MLLT3: variants seen among roughly 807,000 people sequenced by gnomAD.
The protein encoded by MLLT3 is protein AF-9.
Under a neutral mutation model 53.2 loss-of-function variants are expected in MLLT3, and 4 were observed. The ratio of observed to expected loss-of-function variants is 0.08; its 90% CI spans 0.04 to 0.17. The LOEUF is 0.17. Among genes scored for constraint, MLLT3 ranks in the 10% least tolerant of loss-of-function variants. MLLT3 has a pLI of 1.00. For synonymous variants in MLLT3, 283 were observed against 230.6 expected (o/e 1.23, Z -2.06); for missense variants, 569 against 684.0 (o/e 0.83, Z 1.87).
chr9:20,394,825 C>G (rs1016961), intron 5 of MLLT3, among the ~76,000 whole-genome samples: 93 of 152,152 alleles, frequency 6.1e-4, no homozygotes, highest in Middle Eastern at 3.4e-3. Context: ...GAATGACATG[C>G]CAGTAAACAG....
intron 4 of MLLT3, among the ~76,000 whole-genome samples, chr9:20,423,248 T>C (rs952669706): frequency 1.2e-4 from 18 of 152,184 alleles, no homozygotes; most frequent in African/African-American, 4.1e-4. Context: ...GTCAGTGGGT[T>C]TCAAAATCAG....
At chr9:20,376,774 C>T (rs142572280) in intron 5 of MLLT3, among the ~76,000 whole-genome samples, 179 of 152,230 alleles carry the variant, frequency 1.2e-3, no homozygotes, top group African/African-American at 3.9e-3. Flanking sequence ...AAGGCTGCTA[C>T]GATTGTAGCC....
intron 2 of MLLT3, among the ~76,000 whole-genome samples, chr9:20,511,870 G>C (rs1001570032): frequency 6.6e-6 from 1 of 152,078 alleles, no homozygotes; most frequent in Admixed American, 6.6e-5. Flanking sequence ...GGCAACAGTA[G>C]CCACAGCAGA....
At chr9:20,480,946 A>C (rs1824646487) in intron 2 of MLLT3, among the ~76,000 whole-genome samples, 1 of 152,256 alleles carries the variant, frequency 6.6e-6, no homozygotes, top group Non-Finnish European at 1.5e-5. Flanking sequence ...ATAAATAAAT[A>C]AATTGTCATG....
chr9:20,547,508 G>GT (rs1234943927), intron 2 of MLLT3, among the ~76,000 whole-genome samples: 1 of 151,920 alleles, frequency 6.6e-6, no homozygotes, highest in Non-Finnish European at 1.5e-5. Flanking sequence ...AACTGGGTGT[G>GT]GTGGTGGGCA....
At chr9:20,562,274 A>G (rs1819236276) in intron 2 of MLLT3, among the ~76,000 whole-genome samples, 3 of 152,084 alleles carry the variant, frequency 2.0e-5, no homozygotes. Context: ...AAAATATACC[A>G]TGACAGTAAT....
Position 20,620,886 on chromosome 9 carries a change from C to A in MLLT3, c.13-52G>T. 6.3e-7 allele frequency: 1 copy of A among 1,585,042 alleles called. No individual in the cohort carries two copies. The stretch of plus-strand genomic sequence containing the variant: ...CGTGAATAACAGGAAGGCGAGGTTT[C>A]GGCAGTGAACGTTGCGCCTGACATT... On this transcript the variant is annotated intron_variant, in intron 1 of 10. Coordinates refer to ENST00000380338, the MANE Select transcript of MLLT3 (RefSeq NM_004529.4). The surrounding 1 kb of genome is among the most constrained non-coding windows in gnomAD (Gnocchi z 6.1).
intron 2 of MLLT3, 131 bp from the exon 3 acceptor site, chr9:20,456,917 G>A: frequency 1.6e-6 from 1 of 626,248 alleles, no homozygotes; most frequent in Non-Finnish European, 2.7e-6. Flanking sequence ...CAAACTCCCA[G>A]TTGAGTCTCC....
chr9:20,608,087 T>C (rs879742224), intron 2 of MLLT3, among the ~76,000 whole-genome samples: 1 of 152,024 alleles, frequency 6.6e-6, no homozygotes, highest in Admixed American at 6.5e-5. Flanking sequence ...TCTTTTTTTC[T>C]CTATGCCTTA....
intron 2 of MLLT3, among the ~76,000 whole-genome samples, chr9:20,615,818 T>C (rs938639178): frequency 6.8e-6 from 1 of 146,456 alleles, no homozygotes; most frequent in African/African-American, 2.6e-5. Flanking sequence ...CACAATAGAC[T>C]GAAAAGAGAA....
chr9:20,519,509 A>G (rs965297224), intron 2 of MLLT3, among the ~76,000 whole-genome samples: 4 of 152,188 alleles, frequency 2.6e-5, no homozygotes, highest in African/African-American at 7.2e-5. Context: ...ATGATATACA[A>G]TGACGTACAT....
chr9:20,520,287 C>A (rs1181269832), intron 2 of MLLT3, among the ~76,000 whole-genome samples: 1 of 151,802 alleles, frequency 6.6e-6, no homozygotes, highest in African/African-American at 2.4e-5. Context: ...ATCTGTACAA[C>A]AAACCTCTAT....
At chr9:20,478,403 A>C (rs2118900641) in intron 2 of MLLT3, among the ~76,000 whole-genome samples, 1 of 152,298 alleles carries the variant, frequency 6.6e-6, no homozygotes, top group Admixed American at 6.5e-5. Context: ...CTGGCACAGA[A>C]GAGATGCTCA....
chr9:20,370,605 G>C (rs1000163458), intron 5 of MLLT3, among the ~76,000 whole-genome samples: 10 of 151,948 alleles, frequency 6.6e-5, no homozygotes, highest in African/African-American at 2.4e-4. Flanking sequence ...CTGCCTTCCG[G>C]GTTCAAGCCA....
intron 2 of MLLT3, among the ~76,000 whole-genome samples, chr9:20,571,181 C>T (rs1158364473): frequency 6.6e-6 from 1 of 152,212 alleles, no homozygotes; most frequent in Non-Finnish European, 1.5e-5. Context: ...TGCAGGTGAG[C>T]TTATAACTTC....
chr9:20,450,978 C>G (rs560883290), intron 3 of MLLT3, among the ~76,000 whole-genome samples: 1 of 152,282 alleles, frequency 6.6e-6, no homozygotes, highest in Non-Finnish European at 1.5e-5. Flanking sequence ...CTCTAAGAAT[C>G]TCTTCCATAG....
At chr9:20,582,770 T>C (rs1230655206) in intron 2 of MLLT3, among the ~76,000 whole-genome samples, 1 of 152,082 alleles carries the variant, frequency 6.6e-6, no homozygotes, top group African/African-American at 2.4e-5. Context: ...ATCGTGAGAA[T>C]AACACAGGAA....
chr9:20,540,516 C>G (rs1450348048), intron 2 of MLLT3, among the ~76,000 whole-genome samples: 1 of 152,240 alleles, frequency 6.6e-6, no homozygotes, highest in Non-Finnish European at 1.5e-5. Flanking sequence ...CTTGAACCCT[C>G]TGAAGCCATG....
intron 2 of MLLT3, among the ~76,000 whole-genome samples, chr9:20,558,733 T>C (rs1387122311): frequency 6.6e-6 from 1 of 152,230 alleles, no homozygotes; most frequent in Non-Finnish European, 1.5e-5. Context: ...TTATGACCAC[T>C]GCCTGAAGGA....
Sources: gnomAD v4.1 joint callset for allele counts (sites outside exome capture counted in the v4.1 genomes callset) on GRCh38, gnomAD v4.1.1 for gene constraint, Gnocchi (gnomAD v3.1) non-coding constraint, MANE v1.5 for transcripts, NCBI Gene and HGNC (gene_info 2026-07-23, HGNC 2026-07-21) for gene names.